The following TTC5 variants were observed in gnomAD, a reference collection of about 807,000 sequenced individuals.
TTC5 encodes tetratricopeptide repeat protein 5.
Under a neutral mutation model 57.4 loss-of-function variants are expected in TTC5, and 46 were observed. The ratio of observed to expected loss-of-function variants is 0.80; its 90% CI spans 0.63 to 1.03. The LOEUF is 1.03. TTC5 is among the 50% of genes least tolerant of loss of function. The pLI is 0.00. For missense variants in TTC5, 504 were observed against 528.1 expected (o/e 0.95, Z 0.45); for synonymous variants, 190 against 203.5 (o/e 0.93, Z 0.57).
intron 4 of TTC5, 73 bp downstream of exon 4, chr14:20,299,225 G>A: frequency 6.6e-7 from 1 of 1,517,952 alleles, no homozygotes; most frequent in Non-Finnish European, 9.0e-7. Context: ...ACTCAAAAGA[G>A]GGACTGCAAA....
chr14:20,290,169 T>G (rs957543702), intron 9 of TTC5, among the ~76,000 whole-genome samples: 3 of 152,192 alleles, frequency 2.0e-5, no homozygotes, highest in African/African-American at 7.2e-5. Context: ...AGGTCCTAAT[T>G]TAATCCACCA....
Position 20,289,431 on chromosome 14 carries a change from T to C in TTC5, c.*196A>G. On this transcript the variant is annotated 3_prime_UTR_variant, in exon 10 of 10. Transcript: ENST00000258821. ...AGGAGAGATATGCCAGAAGAGTATG[T>C]GGCCCTGTAGAGAGCTGGAACATGA... 1 of 477,472 alleles carries C rather than the reference T, an allele frequency of 2.1e-6. No homozygotes were observed. The allele number at this position is 477,472 out of a possible 1,614,324, so 29.6% of individuals were successfully genotyped here. A position where few individuals can be genotyped will look rare whatever the true frequency, so the allele number is the denominator to read the frequency against.
In TTC5 at chr14:20,287,544, T is replaced by C. The variant is rs1240687816; in HGVS notation, c.*2083A>G. 1 of 152,214 alleles carries C rather than the reference T, an allele frequency of 6.6e-6. No homozygotes were observed. Among genetic ancestry groups the C allele is most frequent in the Non-Finnish European group, 1.5e-5 (1 of 68,030 alleles). 9.4% of individuals were successfully genotyped at this position (152,214 alleles called of 1,614,324 possible). A position where few individuals can be genotyped will look rare whatever the true frequency, so the allele number is the denominator to read the frequency against. The stretch of plus-strand genomic sequence containing the variant: ...GGAGAGGTATGCAAGGGCTTCCAAG[T>C]TATCAATGATGTTCTAGTTTTTAAG... On this transcript the variant is annotated 3_prime_UTR_variant, in exon 10 of 10. Coordinates refer to ENST00000258821, the MANE Select transcript of TTC5 (RefSeq NM_138376.3).
At chr14:20,291,822 AT>A (rs1344882285) in intron 9 of TTC5, among the ~76,000 whole-genome samples, 160 bp downstream of exon 9, 1 of 151,966 alleles carries the variant, frequency 6.6e-6, no homozygotes, top group African/African-American at 2.4e-5. Context: ...TAGTAAAAAA[AT>A]ACATATATAT....
In TTC5 at chr14:20,288,529, C is replaced by T. The variant is rs1348858805; in HGVS notation, c.*1098G>A. The T allele has an allele frequency of 6.6e-6, 1 of 152,290 alleles. No individual in the cohort carries two copies. The highest frequency in any genetic ancestry group is 6.5e-5 in the Admixed American group (1 of 15,292). 9.4% of individuals were successfully genotyped at this position (152,290 alleles called of 1,614,324 possible). On this transcript the variant is annotated 3_prime_UTR_variant, in exon 10 of 10. Coordinates refer to ENST00000258821, the MANE Select transcript of TTC5 (RefSeq NM_138376.3). ...CTTCCCAGGTTCAAGCAATTCTCTG[C>T]CTCAGCCTCCCCAGTAGCTGTGATT...
intron 3 of TTC5, among the ~76,000 whole-genome samples, chr14:20,299,651 TAA>T (rs982850283): frequency 6.6e-6 from 1 of 152,142 alleles, no homozygotes; most frequent in Non-Finnish European, 1.5e-5. Flanking sequence ...CCTCCCGAGT[TAA>T]GTCTTTCTCC....
At chr14:20,296,231 T>C (rs1882059942) in intron 6 of TTC5, among the ~76,000 whole-genome samples, 159 bp downstream of exon 6, 1 of 152,194 alleles carries the variant, frequency 6.6e-6, no homozygotes, top group Non-Finnish European at 1.5e-5. Context: ...CACCAGATAC[T>C]GAAGCCAAAC....
intron 1 of TTC5, among the ~76,000 whole-genome samples, chr14:20,303,949 T>G (rs1007476784): frequency 2.0e-5 from 3 of 152,250 alleles, no homozygotes; most frequent in African/African-American, 7.2e-5. Context: ...ATTTAGATCT[T>G]AGGTCAAATA....
intron 9 of TTC5, among the ~76,000 whole-genome samples, chr14:20,290,406 AT>A (rs1401745731): frequency 6.6e-6 from 1 of 152,166 alleles, no homozygotes; most frequent in Admixed American, 6.5e-5. Flanking sequence ...TCATAAACCA[AT>A]TTTTTTTAAG....
chr14:20,304,198 C>T (rs1439809726), intron 1 of TTC5, among the ~76,000 whole-genome samples: 1 of 152,164 alleles, frequency 6.6e-6, no homozygotes, highest in African/African-American at 2.4e-5. Context: ...ACATGATAGG[C>T]TCTAATTCAC....
rs1335471238 is a variant in TTC5, at chr14:20,289,667, T to C, written c.1283A>G (p.Gln428Arg). Residue 428 changes from glutamine (Q) to arginine (R), a missense_variant, in exon 10 of 10, where the codon CAG becomes CGG. Physicochemically the swap from Gln to Arg is conservative, Grantham distance 43. Transcript: ENST00000258821. ...TCGCGATGCCACTGTGGCAACAGCC[T>C]GGCTGCTGGATCCCTGAGGCTTCCC... is the stretch of plus-strand genomic sequence containing the variant. The part of the protein sequence containing the change: ...VNGKPQGSSS[Q>R]AVATVASRPQ... 2 of 1,613,812 alleles carry C rather than the reference T, an allele frequency of 1.2e-6. No individual in the cohort carries two copies. Among genetic ancestry groups the C allele is most frequent in the Non-Finnish European group, 1.7e-6 (2 of 1,179,842 alleles).
rs536845808 is a variant in TTC5 at position 20,289,964 on chromosome 14, T to C, written c.1204-218A>G. Among the ~76,000 whole-genome samples, 12 of 152,352 alleles carry C rather than the reference T, an allele frequency of 7.9e-5. 1 individual carries two copies. Among genetic ancestry groups the C allele is most frequent in the Admixed American group, 7.2e-4 (11 of 15,306 alleles). On this transcript the variant is annotated intron_variant, in intron 9 of 9. Coordinates refer to ENST00000258821, the MANE Select transcript of TTC5 (RefSeq NM_138376.3). Reference sequence around the variant, plus strand: ...AAAACATGGAGCATGTAAGGTCATGTAGTGCCACTACAAGAATGAGACAGC... The same window carrying C: ...AAAACATGGAGCATGTAAGGTCATGCAGTGCCACTACAAGAATGAGACAGC...
intron 1 of TTC5, among the ~76,000 whole-genome samples, chr14:20,302,866 A>G (rs1449003652): frequency 6.6e-6 from 1 of 152,158 alleles, no homozygotes; most frequent in African/African-American, 2.4e-5. Flanking sequence ...GCCTATGTGT[A>G]TAAAGTGTAA....
At chr14:20,298,909 C>T (rs775491776) in intron 4 of TTC5, 21 bp from the exon 5 acceptor site, 1 of 1,541,576 alleles carries the variant, frequency 6.5e-7, no homozygotes, top group Admixed American at 1.7e-5. Context: ...AACACAGTGA[C>T]AAATCATCTC....
At chr14:20,303,472 A>G (rs1266268480) in intron 1 of TTC5, among the ~76,000 whole-genome samples, 1 of 152,196 alleles carries the variant, frequency 6.6e-6, no homozygotes, top group Admixed American at 6.5e-5. Flanking sequence ...CAGCAGAAAG[A>G]TATAATCACT....
At chr14:20,305,691 G>A (rs1398470118) in intron 1 of TTC5, 196 bp downstream of exon 1, 1 of 610,866 alleles carries the variant, frequency 1.6e-6, no homozygotes, top group South Asian at 1.9e-5. Flanking sequence ...ATTAACCGCA[G>A]TCAGGTCGGC....
intron 7 of TTC5, 84 bp downstream of exon 7, chr14:20,295,624 C>T (rs1882045292): frequency 6.5e-6 from 10 of 1,544,934 alleles, no homozygotes; most frequent in South Asian, 2.5e-5. Flanking sequence ...GTCTCTACCT[C>T]GTAAACCTAT....
At chr14:20,299,761 C>CA (rs1430959866) in intron 3 of TTC5, among the ~76,000 whole-genome samples, 1 of 152,094 alleles carries the variant, frequency 6.6e-6, no homozygotes, top group African/African-American at 2.4e-5. Flanking sequence ...CCATGTTGGC[C>CA]AGGCTGGTCT....
chr14:20,301,406 A>C (rs574538563), intron 2 of TTC5, among the ~76,000 whole-genome samples: 1 of 152,370 alleles, frequency 6.6e-6, no homozygotes, highest in Admixed American at 6.5e-5. Context: ...AAAACAATGG[A>C]CACTTAAATA....
Sources: gnomAD v4.1 joint callset for allele counts (sites outside exome capture counted in the v4.1 genomes callset) on GRCh38, gnomAD v4.1.1 for gene constraint, MANE v1.5 for transcripts, NCBI Gene and HGNC (gene_info 2026-07-23, HGNC 2026-07-21) for gene names.